The following RUFY4 variants were observed in gnomAD, a reference collection of about 807,000 sequenced individuals.
RUFY4 encodes RUN and FYVE domain containing 4.
In RUFY4, 73 loss-of-function variants were observed where a neutral mutation model predicts 69.0. That is an observed-to-expected ratio of 1.06 (90% CI 0.88 to 1.29). The LOEUF (loss-of-function observed/expected upper bound fraction) is 1.29, where lower values mean the gene tolerates loss of function less well. Ranked by LOEUF, RUFY4 falls within the 50% of genes most tolerant of loss-of-function variation. The probability of loss-of-function intolerance (pLI) is 0.00; values close to 1 mark genes in which losing one functional copy is unlikely to be tolerated. For missense variants in RUFY4, 770 were observed against 705.6 expected (o/e 1.09, Z -1.03); for synonymous variants, 287 against 271.8 (o/e 1.06, Z -0.55).
At chr2:218,056,170 T>C (rs930441065) in intron 2 of RUFY4, among the ~76,000 whole-genome samples, 7 of 152,088 alleles carry the variant, frequency 4.6e-5, no homozygotes, top group African/African-American at 1.4e-4. Flanking sequence ...CCTTGAGGCT[T>C]GGGCTTTTGG....
chr2:218,074,420 C>T (rs1330408906), intron 6 of RUFY4, among the ~76,000 whole-genome samples: 1 of 152,166 alleles, frequency 6.6e-6, no homozygotes, highest in Non-Finnish European at 1.5e-5. Context: ...CTACACGCTC[C>T]CCGCATGACA....
upstream of RUFY4, chr2:218,065,611 G>T (rs1689305442): frequency 6.5e-6 from 1 of 152,766 alleles, no homozygotes; most frequent in African/African-American, 2.4e-5. Context: ...TGGCTGGCAA[G>T]AAGCTGGTTT....
chr2:218,057,150 C>G (rs936280903), intron 2 of RUFY4, among the ~76,000 whole-genome samples: 1 of 151,898 alleles, frequency 6.6e-6, no homozygotes, highest in Admixed American at 6.6e-5. Flanking sequence ...AGCTTGTCAA[C>G]TCCCAAAAAC....
At position 218,037,180 on chromosome 2, in the gene RUFY4, C is replaced by CT. The variant is rs1559418074; in HGVS notation, c.-1158+1786_-1158+1787insT. 1.4e-4 allele frequency among the ~76,000 whole-genome samples: 22 copies of CT among 152,000 alleles called. No homozygotes were observed. In the East Asian group the frequency reaches 4.3e-3, roughly 29 times the overall value. On this transcript the variant is annotated intron_variant and NMD_transcript_variant, in intron 2 of 13. Transcript: ENST00000457754. ...CTAAAAATACAAAAAATTAGCCGGG[C>CT]GTGGTGGCAGGCGCCTGTAACCTCA...
At chr2:218,074,003 C>T in intron 6 of RUFY4, 118 bp downstream of exon 8, 2 of 1,012,684 alleles carry the variant, frequency 2.0e-6, no homozygotes. Flanking sequence ...CCCTACAGGA[C>T]AGACAGAGCA....
At chr2:218,077,746 G>C (rs1689670641) in intron 8 of RUFY4, among the ~76,000 whole-genome samples, 1 of 152,202 alleles carries the variant, frequency 6.6e-6, no homozygotes, top group Non-Finnish European at 1.5e-5. Context: ...TGCTTCGCAG[G>C]TGAGAGAGGC....
Position 218,083,107 on chromosome 2 carries a change from C to G in RUFY4, c.1356-3C>G, listed in dbSNP as rs1211845283. The G allele has an allele frequency of 6.2e-7, 1 of 1,612,746 alleles. No homozygotes were observed. Among genetic ancestry groups the G allele is most frequent in the East Asian group, 2.2e-5 (1 of 44,856 alleles). On this transcript the variant is annotated splice_polypyrimidine_tract_variant and splice_region_variant and intron_variant, in intron 8 of 10. Coordinates refer to ENST00000344321, the Ensembl canonical transcript of RUFY4. ...GAGAACCTAGTCTTCCTTCTGTACC[C>G]AGGTGTCAGGAAGAGAGAGCCGAGC...
At chr2:218,048,669 A>G (rs1688881884) in intron 2 of RUFY4, among the ~76,000 whole-genome samples, 3 of 152,084 alleles carry the variant, frequency 2.0e-5, no homozygotes, top group South Asian at 2.1e-4. Context: ...CCACTTATCC[A>G]TCTACTTCTG....
At chr2:218,065,049 C>T (rs1301726947), upstream of RUFY4, among the ~76,000 whole-genome samples, 2 of 152,200 alleles carry the variant, frequency 1.3e-5, no homozygotes, top group Non-Finnish European at 2.9e-5. Context: ...ACACTGAGGT[C>T]AGCTCCATAT....
At chr2:218,074,423 G>T (rs946274701) in intron 6 of RUFY4, among the ~76,000 whole-genome samples, 4 of 152,070 alleles carry the variant, frequency 2.6e-5, no homozygotes, top group African/African-American at 9.7e-5. Flanking sequence ...CACGCTCCCC[G>T]CATGACAGTG....
At chr2:218,049,000 T>C (rs1266794571) in intron 2 of RUFY4, among the ~76,000 whole-genome samples, 1 of 152,260 alleles carries the variant, frequency 6.6e-6, no homozygotes, top group African/African-American at 2.4e-5. Context: ...CATGAATTTA[T>C]CTTTCGAAGA....
At chr2:218,057,142 C>T (rs924956681) in intron 2 of RUFY4, among the ~76,000 whole-genome samples, 6 of 151,914 alleles carry the variant, frequency 3.9e-5, no homozygotes, top group African/African-American at 1.5e-4. Flanking sequence ...TCTATCAGAG[C>T]TTGTCAACTC....
chr2:218,054,018 T>G (rs1319523636), intron 2 of RUFY4, among the ~76,000 whole-genome samples: 2 of 152,236 alleles, frequency 1.3e-5, no homozygotes, highest in East Asian at 3.8e-4. Context: ...TATATGAAAT[T>G]TATAAAAGTC....
At chr2:218,036,646 A>G (rs1031058705) in intron 2 of RUFY4, among the ~76,000 whole-genome samples, 1 of 152,248 alleles carries the variant, frequency 6.6e-6, no homozygotes, top group Non-Finnish European at 1.5e-5. Context: ...CTGGCTGTGA[A>G]ATCCTAATTA....
intron 2 of RUFY4, among the ~76,000 whole-genome samples, chr2:218,044,276 T>A (rs1688775034): frequency 6.6e-6 from 1 of 152,240 alleles, no homozygotes; most frequent in Non-Finnish European, 1.5e-5. Flanking sequence ...GAGCCACTGC[T>A]GCCATCAGTT....
upstream of RUFY4, chr2:218,070,484 C>G (rs959530317): frequency 6.8e-5 from 58 of 848,350 alleles, no homozygotes; most frequent in Non-Finnish European, 1.1e-4. Flanking sequence ...CAAGATTAGT[C>G]ACTTTCCCTC....
At chr2:218,061,218 G>T in intron 3 of RUFY4, 1 of 381,476 alleles carries the variant, frequency 2.6e-6, no homozygotes, top group East Asian at 6.9e-5. Flanking sequence ...CATCGGCAGG[G>T]AGTTTCACAT....
chr2:218,072,620 C>G (rs1252924032), intron 3 of RUFY4, 121 bp downstream of exon 5: 2 of 1,411,682 alleles, frequency 1.4e-6, no homozygotes, highest in Non-Finnish European at 1.9e-6. Flanking sequence ...TCTCCTAAGC[C>G]CTGCCCACAG....
intron 3 of RUFY4, chr2:218,059,436 C>G (rs560528603): frequency 4.2e-5 from 7 of 166,806 alleles, no homozygotes; most frequent in South Asian, 2.1e-4. Flanking sequence ...ACTCCCCTCC[C>G]CTCAGTCCCT....
Sources: allele counts gnomAD v4.1 joint callset (sites outside exome capture counted in the v4.1 genomes callset), GRCh38; gene constraint gnomAD v4.1.1; transcripts MANE v1.5; gene names NCBI Gene and HGNC (gene_info 2026-07-23, HGNC 2026-07-21).